MATN2: variants seen among roughly 807,000 people sequenced by gnomAD.
The protein encoded by MATN2 is matrilin-2.
Under a neutral mutation model 103.2 loss-of-function variants are expected in MATN2, and 69 were observed. That is an observed-to-expected ratio of 0.67 (90% confidence interval 0.55 to 0.82). The LOEUF (loss-of-function observed/expected upper bound fraction) is 0.82, where lower values mean the gene tolerates loss of function less well. MATN2 is among the 40% of genes least tolerant of loss of function. The pLI is 0.00. For synonymous variants in MATN2, 429 were observed against 450.2 expected, an observed-to-expected ratio of 0.95 and a Z score of 0.60; for missense variants, 1,023 against 1,211.5, an observed-to-expected ratio of 0.84 and a Z score of 2.31.
At position 98,007,821 on chromosome 8, in the gene MATN2, G is replaced by C. The variant is rs1563723029; in HGVS notation, c.1573+220G>C. On this transcript the variant is annotated intron_variant, in intron 10 of 18. Coordinates refer to ENST00000254898, the MANE Select transcript of MATN2 (RefSeq NM_002380.5). The surrounding 1 kb of genome is among the most constrained non-coding windows in gnomAD (Gnocchi z 4.2). Reference sequence around the variant, plus strand: ...CCGTGCCCTGAAGTGGCTTTTTGCTGTTTCCACCTCCCTGTCATTCTGAAG... The same window carrying C: ...CCGTGCCCTGAAGTGGCTTTTTGCTCTTTCCACCTCCCTGTCATTCTGAAG... Among the ~76,000 whole-genome samples the C allele has an allele frequency of 1.3e-5, 2 of 152,094 alleles. No individual in the cohort carries two copies. The highest frequency in any genetic ancestry group is 2.9e-5 in the Non-Finnish European group (2 of 68,036).
intron 2 of MATN2, among the ~76,000 whole-genome samples, chr8:97,927,736 T>C (rs1810034361): frequency 6.6e-6 from 1 of 152,186 alleles, no homozygotes; most frequent in Admixed American, 6.5e-5. Flanking sequence ...ACCCATTTGT[T>C]TTGAAGGGAG....
intron 1 of MATN2, 58 bp downstream of exon 1, chr8:97,869,345 C>G (rs1454731154): frequency 6.6e-6 from 1 of 152,118 alleles, no homozygotes; most frequent in Non-Finnish European, 1.5e-5. Context: ...GAAGTGCAGG[C>G]GGACCGACCC....
intron 10 of MATN2, among the ~76,000 whole-genome samples, chr8:98,009,597 A>G (rs1813090705): frequency 6.6e-6 from 1 of 152,326 alleles, no homozygotes; most frequent in South Asian, 2.1e-4. Flanking sequence ...CTACCTCTTC[A>G]GGCACCTTGG....
At chr8:98,016,497 T>C in intron 10 of MATN2, 43 bp from the exon 11 acceptor site, 1 of 1,567,054 alleles carries the variant, frequency 6.4e-7, no homozygotes, top group Non-Finnish European at 8.7e-7. Context: ...AATATATGAG[T>C]CATTTTCTTC....
At chr8:98,009,719 C>T (rs1460290314) in intron 10 of MATN2, among the ~76,000 whole-genome samples, 2 of 152,192 alleles carry the variant, frequency 1.3e-5, no homozygotes, top group Non-Finnish European at 2.9e-5. Flanking sequence ...GTTAGATGCA[C>T]AGACTCAGGG....
intron 1 of MATN2, among the ~76,000 whole-genome samples, chr8:97,871,175 G>A (rs1018444412): frequency 3.9e-5 from 6 of 152,312 alleles, no homozygotes; most frequent in African/African-American, 1.4e-4. Context: ...TAAAAGTGTG[G>A]CCTGAGATTT....
At chr8:98,032,090 C>T in intron 15 of MATN2, 156 bp from the exon 16 acceptor site, 1 of 599,870 alleles carries the variant, frequency 1.7e-6, no homozygotes, top group Non-Finnish European at 3.0e-6. Flanking sequence ...TCATGGTAAC[C>T]AACTGCTTTT....
chr8:97,913,528 TG>T (rs926119667), intron 2 of MATN2, among the ~76,000 whole-genome samples: 1 of 152,048 alleles, frequency 6.6e-6, no homozygotes, highest in Non-Finnish European at 1.5e-5. Context: ...TTGGCCAGGC[TG>T]GTCTTGAACT....
chr8:97,987,552 T>A (rs1003838365), intron 6 of MATN2, among the ~76,000 whole-genome samples: 1 of 152,210 alleles, frequency 6.6e-6, no homozygotes, highest in African/African-American at 2.4e-5. Context: ...CTTTAATACC[T>A]GTTCTTCATA....
At chr8:97,901,727 A>C (rs1818990282) in intron 2 of MATN2, among the ~76,000 whole-genome samples, 1 of 152,214 alleles carries the variant, frequency 6.6e-6, no homozygotes, top group African/African-American at 2.4e-5. Flanking sequence ...GGTTTGGTAC[A>C]AATTCCACGG....
chr8:97,937,177 C>A (rs547953162), intron 3 of MATN2, among the ~76,000 whole-genome samples: 1 of 152,134 alleles, frequency 6.6e-6, no homozygotes, highest in Non-Finnish European at 1.5e-5. Context: ...CCTGTACCAA[C>A]CAACAGTGGC....
intron 10 of MATN2, among the ~76,000 whole-genome samples, chr8:98,014,287 A>C (rs1170486715): frequency 1.3e-5 from 2 of 149,042 alleles, no homozygotes; most frequent in Non-Finnish European, 3.0e-5. Flanking sequence ...TTATAAATTC[A>C]CGGTAGGGGG....
At chr8:98,031,650 C>T (rs1814024083) in intron 15 of MATN2, 1 of 152,246 alleles carries the variant, frequency 6.6e-6, no homozygotes, top group South Asian at 2.1e-4. Context: ...TACAGAATAT[C>T]AGACTGCCCT....
chr8:97,975,226 C>T (rs529470086), intron 5 of MATN2, among the ~76,000 whole-genome samples: 21 of 152,290 alleles, frequency 1.4e-4, no homozygotes, highest in Admixed American at 5.2e-4. Context: ...GGAATGAAAG[C>T]GTTGCTTGAT....
chr8:97,982,244 A>G lies in MATN2; in HGVS notation c.1081+3236A>G, dbSNP rs933335221. Reference sequence around the variant, plus strand: ...AAAAGCCCAGTCGTAAGAATGAAACACTCAGGAGTGCTCCAGATCTGTGGC... The same window carrying G: ...AAAAGCCCAGTCGTAAGAATGAAACGCTCAGGAGTGCTCCAGATCTGTGGC... On this transcript the variant is annotated intron_variant, in intron 6 of 18. Coordinates refer to ENST00000254898, the MANE Select transcript of MATN2 (RefSeq NM_002380.5). The surrounding 1 kb of genome is among the most constrained non-coding windows in gnomAD (Gnocchi z 4.3). Among the ~76,000 whole-genome samples the G allele has an allele frequency of 6.6e-6, 1 of 152,208 alleles. No individual in the cohort carries two copies. Among genetic ancestry groups the G allele is most frequent in the African/African-American group, 2.4e-5 (1 of 41,460 alleles).
At position 98,007,223 on chromosome 8, in the gene MATN2, C is replaced by T. The variant is rs755348044; in HGVS notation, c.1446C>T (p.Cys482=). 1.1e-5 allele frequency: 17 copies of T among 1,613,820 alleles called. No homozygotes were observed. Among genetic ancestry groups the T allele is most frequent in the Non-Finnish European group, 1.4e-5 (16 of 1,179,906 alleles). ...TCATCAACGAGGACCTCAAGACCTG[C>T]TCCCGTGAGTCCCTCCGCGCTCCTC... is the stretch of plus-strand genomic sequence containing the variant. ...GFLINEDLKT[C]SRVDYCLLSD... Residue 482 remains cysteine (C), a synonymous_variant, in exon 9 of 19, where the codon TGC becomes TGT. Coordinates refer to ENST00000254898, the MANE Select transcript of MATN2 (RefSeq NM_002380.5). The surrounding 1 kb of genome is among the most constrained non-coding windows in gnomAD (Gnocchi z 4.2).
intron 5 of MATN2, among the ~76,000 whole-genome samples, chr8:97,969,723 G>A (rs1034334776): frequency 2.6e-5 from 4 of 152,188 alleles, no homozygotes; most frequent in Admixed American, 6.5e-5. Context: ...TAGAGAAAAA[G>A]CCATCAACTT....
chr8:97,938,500 C>T (rs556122731), intron 3 of MATN2, among the ~76,000 whole-genome samples: 1 of 152,100 alleles, frequency 6.6e-6, no homozygotes, highest in South Asian at 2.1e-4. Context: ...TTCAAGGGGA[C>T]GTGTTCAGGA....
intron 2 of MATN2, among the ~76,000 whole-genome samples, chr8:97,893,696 C>T (rs1240272385): frequency 2.6e-5 from 4 of 152,144 alleles, no homozygotes; most frequent in Admixed American, 6.5e-5. Context: ...CCTGCCTCAG[C>T]CTCCAGAGTA....
Sources: allele counts gnomAD v4.1 joint callset (sites outside exome capture counted in the v4.1 genomes callset), GRCh38; gene constraint gnomAD v4.1.1; non-coding constraint Gnocchi (gnomAD v3.1); transcripts MANE v1.5; gene names NCBI Gene and HGNC (gene_info 2026-07-23, HGNC 2026-07-21).